The following JMJD1C variants were observed in gnomAD, a reference collection of about 807,000 sequenced individuals.
The protein encoded by JMJD1C is jumonji domain containing 1C.
Under a neutral mutation model 245.3 loss-of-function variants are expected in JMJD1C, and 31 were observed. The ratio of observed to expected loss-of-function variants is 0.13; its 90% confidence interval spans 0.09 to 0.17. The LOEUF (loss-of-function observed/expected upper bound fraction) is 0.17. JMJD1C is among the 10% of genes least tolerant of loss of function. JMJD1C has a pLI of 1.00. For missense variants in JMJD1C, 2,691 were observed against 3,000.2 expected (o/e 0.90, Z 2.41); for synonymous variants, 1,057 against 1,017.4 (o/e 1.04, Z -0.74).
At chr10:63,486,254 A>C (rs1170969595) in intron 1 of JMJD1C, among the ~76,000 whole-genome samples, 1 of 151,704 alleles carries the variant, frequency 6.6e-6, no homozygotes, top group Non-Finnish European at 1.5e-5. Flanking sequence ...TAGCACGTTT[A>C]AGGGACAGCA....
At chr10:63,410,863 T>C (rs1949436072) in intron 1 of JMJD1C, among the ~76,000 whole-genome samples, 1 of 152,152 alleles carries the variant, frequency 6.6e-6, no homozygotes, top group Admixed American at 6.5e-5. Flanking sequence ...TCCTAAGCAT[T>C]TTCAGGTCTT....
In JMJD1C at chr10:63,200,619, A is replaced by C; in HGVS notation, c.5133T>G (p.Thr1711=). The C allele has an allele frequency of 6.2e-7, 1 of 1,614,064 alleles. No individual in the cohort carries two copies. Among genetic ancestry groups the C allele is most frequent in the Non-Finnish European group, 8.5e-7 (1 of 1,179,948 alleles). The change falls in exon 11 of 26, where the codon ACT becomes ACG. Residue 1711 remains threonine, a synonymous_variant. Coordinates refer to ENST00000399262, the MANE Select transcript of JMJD1C (RefSeq NM_032776.3). The part of the protein sequence containing the change: ...DWRKVKKLKQ[T]GESFLQDDSC... The stretch of plus-strand genomic sequence containing the variant: ...AGTCATCCTGTAAAAAGGATTCCCC[A>C]GTTTGCTTCAGCTTCTTGACTTTAC...
chr10:63,373,931 T>C (rs1219682765), intron 2 of JMJD1C, among the ~76,000 whole-genome samples: 1 of 152,178 alleles, frequency 6.6e-6, no homozygotes, highest in Non-Finnish European at 1.5e-5. Context: ...AATTGACTAT[T>C]TTCTTAATTA....
At chr10:63,186,798 T>C (rs1012181558) in intron 18 of JMJD1C, among the ~76,000 whole-genome samples, 1 of 152,218 alleles carries the variant, frequency 6.6e-6, no homozygotes, top group African/African-American at 2.4e-5. Flanking sequence ...GAACATCTGA[T>C]GTATTATTCT....
chr10:63,300,811 G>C (rs546870923), intron 2 of JMJD1C, among the ~76,000 whole-genome samples: 2 of 151,004 alleles, frequency 1.3e-5, no homozygotes, highest in East Asian at 3.9e-4. Context: ...AGAATCACTC[G>C]AACCCGGGAG....
chr10:63,319,890 G>A (rs1940629897), intron 2 of JMJD1C, among the ~76,000 whole-genome samples: 1 of 151,966 alleles, frequency 6.6e-6, no homozygotes, highest in African/African-American at 2.4e-5. Flanking sequence ...CAGCCTCCTG[G>A]GTAGCTGGGA....
intron 3 of JMJD1C, among the ~76,000 whole-genome samples, chr10:63,252,223 T>C (rs1353016696): frequency 6.6e-6 from 1 of 152,164 alleles, no homozygotes; most frequent in Non-Finnish European, 1.5e-5. Context: ...GAATCAAATA[T>C]GAATAACAGC....
rs552816020 is a variant in JMJD1C at position 63,474,000 on chromosome 10, G to A, written n.113+47738C>T. ...GAACGTTGCAGTGAGCCGAGATTGCGCTATTGCACTCCAGCCTAGGTGACA... is the reference window on the plus strand; with the variant it reads ...GAACGTTGCAGTGAGCCGAGATTGCACTATTGCACTCCAGCCTAGGTGACA... On this transcript the variant is annotated intron_variant and non_coding_transcript_variant, in intron 1 of 3. Coordinates refer to the JMJD1C transcript ENST00000633035. 3.3e-5 allele frequency among the ~76,000 whole-genome samples: 5 copies of A among 151,840 alleles called. No individual in the cohort carries two copies. The South Asian group carries it at 6.2e-4, about 19-fold the overall frequency.
At chr10:63,200,717 T>C (rs1465428878) in intron 10 of JMJD1C, 40 bp from the exon 11 acceptor site, 1 of 1,556,164 alleles carries the variant, frequency 6.4e-7, no homozygotes, top group South Asian at 1.1e-5. Flanking sequence ...GATTATGCTT[T>C]GTAAAAAGTT....
At chr10:63,386,581 C>G (rs1589642557) in intron 1 of JMJD1C, among the ~76,000 whole-genome samples, 1 of 152,198 alleles carries the variant, frequency 6.6e-6, no homozygotes, top group East Asian at 1.9e-4. Context: ...GGTACCTGAG[C>G]ACTTTTTCCA....
intron 2 of JMJD1C, among the ~76,000 whole-genome samples, 157 bp from the exon 3 acceptor site, chr10:63,264,921 T>C (rs1012203180): frequency 4.6e-5 from 7 of 152,186 alleles, no homozygotes; most frequent in African/African-American, 1.7e-4. Context: ...TGCTTTTATC[T>C]ACACCATAAG....
intron 2 of JMJD1C, among the ~76,000 whole-genome samples, chr10:63,376,072 G>C (rs1946716981): frequency 6.6e-6 from 1 of 152,116 alleles, no homozygotes; most frequent in Non-Finnish European, 1.5e-5. Flanking sequence ...ACAGTGAGCT[G>C]GTATCAGCAT....
intron 1 of JMJD1C, among the ~76,000 whole-genome samples, chr10:63,514,070 T>C (rs1353682844): frequency 1.3e-5 from 2 of 151,782 alleles, no homozygotes; most frequent in East Asian, 1.9e-4. Flanking sequence ...CAAATCAAAA[T>C]CCCAATGAGT....
rs113951226 is a variant in JMJD1C at position 63,191,839 on chromosome 10, G to C, written c.6077-731C>G. 7.2e-3 allele frequency among the ~76,000 whole-genome samples: 1,094 copies of C among 151,572 alleles called. 12 individuals carry two copies. Among genetic ancestry groups the C allele is most frequent in the African/African-American group, 0.025 (1,018 of 41,244 alleles). On this transcript the variant is annotated intron_variant, in intron 16 of 25. Coordinates refer to ENST00000399262, the MANE Select transcript of JMJD1C (RefSeq NM_032776.3). ...GTCTCTACTAAAAATATAAAAATCA[G>C]CTGGGCATTGTGGCACGTGCCTGTA... is the stretch of plus-strand genomic sequence containing the variant.
chr10:63,367,097 A>G (rs1013322567), intron 2 of JMJD1C, among the ~76,000 whole-genome samples: 13 of 152,184 alleles, frequency 8.5e-5, no homozygotes, highest in Non-Finnish European at 2.9e-5. Flanking sequence ...TTATTGAGAA[A>G]TGGGATAAAA....
chr10:63,362,641 G>A (rs902969236), intron 2 of JMJD1C, among the ~76,000 whole-genome samples: 1 of 151,880 alleles, frequency 6.6e-6, no homozygotes, highest in Admixed American at 6.6e-5. Flanking sequence ...CACCACACCT[G>A]GCTAATTTTT....
chr10:63,521,310 T>A (rs1232818935), intron 1 of JMJD1C: 1 of 86 alleles, frequency 0.012, no homozygotes, highest in Non-Finnish European at 0.02. Context: ...AGGGGCGGGG[T>A]GCTGTCCGGA....
chr10:63,521,100 T>C (rs1169663067), intron 1 of JMJD1C, among the ~76,000 whole-genome samples: 1 of 97,076 alleles, frequency 1.0e-5, no homozygotes, highest in East Asian at 3.1e-4. Flanking sequence ...CTCAGCCTCC[T>C]GCCCCACTCT....
intron 5 of JMJD1C, among the ~76,000 whole-genome samples, 177 bp from the exon 6 acceptor site, chr10:63,215,873 C>T (rs1391394890): frequency 6.6e-6 from 1 of 152,142 alleles, no homozygotes; most frequent in Admixed American, 6.5e-5. Context: ...TTTTAACCTT[C>T]TGAAACTCAC....
Sources: allele counts gnomAD v4.1 joint callset (sites outside exome capture counted in the v4.1 genomes callset), GRCh38; gene constraint gnomAD v4.1.1; transcripts MANE v1.5; gene names NCBI Gene and HGNC (gene_info 2026-07-23, HGNC 2026-07-21).